The following EPHB1 variants were observed in gnomAD, a reference collection of about 807,000 sequenced individuals.
EPHB1 encodes ephrin type-B receptor 1.
A neutral mutation model predicts 94.4 loss-of-function variants in EPHB1; 30 were observed. The ratio of observed to expected loss-of-function variants is 0.32; its 90% CI spans 0.24 to 0.43. The LOEUF (loss-of-function observed/expected upper bound fraction) is 0.43, where lower values mean the gene tolerates loss of function less well. Among genes scored for constraint, EPHB1 ranks in the 20% least tolerant of loss-of-function variants. EPHB1 has a pLI of 1.00. For missense variants in EPHB1, 1,055 were observed against 1,308.3 expected (o/e 0.81, Z 2.99); for synonymous variants, 522 against 489.1 (o/e 1.07, Z -0.89).
At chr3:134,875,891 A>G (rs565714608) in intron 1 of EPHB1, among the ~76,000 whole-genome samples, 2 of 152,262 alleles carry the variant, frequency 1.3e-5, no homozygotes, top group Admixed American at 6.5e-5. Flanking sequence ...ATCCCACCTG[A>G]CATCCCGTGA....
chr3:135,126,658 C>T (rs1940221613), intron 4 of EPHB1, among the ~76,000 whole-genome samples: 1 of 152,202 alleles, frequency 6.6e-6, no homozygotes, highest in Admixed American at 6.5e-5. Flanking sequence ...AGGCAGACTC[C>T]AAGGTGTTTC....
intron 2 of EPHB1, among the ~76,000 whole-genome samples, chr3:134,939,383 G>A (rs893943888): frequency 1.3e-5 from 2 of 151,798 alleles, no homozygotes; most frequent in East Asian, 3.9e-4. Flanking sequence ...ATGGGGGGTG[G>A]GGGGGTGGCA....
intron 3 of EPHB1, among the ~76,000 whole-genome samples, chr3:135,090,753 C>T (rs189660495): frequency 1.3e-4 from 20 of 152,310 alleles, no homozygotes; most frequent in South Asian, 4.2e-4. Flanking sequence ...GGTTTCTGCC[C>T]CTTATCTGTC....
At chr3:134,899,992 C>G (rs1429847010) in intron 1 of EPHB1, among the ~76,000 whole-genome samples, 1 of 152,168 alleles carries the variant, frequency 6.6e-6, no homozygotes, top group Non-Finnish European at 1.5e-5. Context: ...CTATGGAGGT[C>G]ATTGTGTCTA....
intron 1 of EPHB1, among the ~76,000 whole-genome samples, chr3:134,918,738 T>A (rs1457686656): frequency 2.6e-5 from 4 of 152,236 alleles, no homozygotes; most frequent in Non-Finnish European, 5.9e-5. Flanking sequence ...GAATGTGCTA[T>A]CCTGCACCTC....
chr3:135,190,162 C>T (rs1205977850), intron 10 of EPHB1, among the ~76,000 whole-genome samples: 2 of 152,166 alleles, frequency 1.3e-5, no homozygotes, highest in Non-Finnish European at 2.9e-5. Flanking sequence ...GCCTCAGTTT[C>T]CTTATTATTT....
chr3:135,240,755 G>A (rs1214958413), intron 12 of EPHB1, among the ~76,000 whole-genome samples: 1 of 152,146 alleles, frequency 6.6e-6, no homozygotes, highest in Non-Finnish European at 1.5e-5. Flanking sequence ...TGACCCAAAT[G>A]TGTTAGCTTT....
chr3:135,128,273 T>A (rs912755100), intron 4 of EPHB1, among the ~76,000 whole-genome samples: 2 of 152,250 alleles, frequency 1.3e-5, no homozygotes, highest in Non-Finnish European at 2.9e-5. Flanking sequence ...CTGGAGATGT[T>A]GCTGGGGTCC....
In EPHB1 at chr3:135,030,896, C is replaced by T. The variant is rs149156426; in HGVS notation, c.806-75552C>T. On this transcript the variant is annotated intron_variant, in intron 3 of 15. Coordinates refer to ENST00000398015, the MANE Select transcript of EPHB1 (RefSeq NM_004441.5). ...GCGAGACTCCTTGGAGTAGGACCCT[C>T]GGAGCCAGGTGCGGCATGTAATCTC... is the stretch of plus-strand genomic sequence containing the variant. Among the ~76,000 whole-genome samples, 304 of 152,294 alleles carry T rather than the reference C, an allele frequency of 2.0e-3. 1 individual carries two copies. Among genetic ancestry groups the T allele is most frequent in the African/African-American group, 6.8e-3 (281 of 41,568 alleles).
At chr3:134,994,829 C>T (rs796604985) in intron 3 of EPHB1, among the ~76,000 whole-genome samples, 43 of 152,286 alleles carry the variant, frequency 2.8e-4, no homozygotes, top group African/African-American at 8.7e-4. Context: ...TGTATTCTCA[C>T]GAAGTTTTAA....
At position 135,204,708 on chromosome 3, in the gene EPHB1, A is replaced by C. The variant is rs559656533; in HGVS notation, c.2346+3019A>C. On this transcript the variant is annotated intron_variant, in intron 12 of 15. Coordinates refer to ENST00000398015, the MANE Select transcript of EPHB1 (RefSeq NM_004441.5). ...AGTAGAGAAGGGGTTTTGCCATGTT[A>C]GCCAGGCTGGTCTCGAACTCCTGGC... Among the ~76,000 whole-genome samples, 322 of 144,986 alleles carry C rather than the reference A, an allele frequency of 2.2e-3. 2 individuals carry two copies. Among genetic ancestry groups the C allele is most frequent in the African/African-American group, 7.9e-3 (306 of 38,882 alleles).
chr3:134,902,293 A>G (rs1270131414), intron 1 of EPHB1, among the ~76,000 whole-genome samples: 2 of 152,076 alleles, frequency 1.3e-5, no homozygotes, highest in African/African-American at 4.8e-5. Context: ...AGAAAAGTGG[A>G]TGAGAGAGGG....
At chr3:135,253,874 C>T (rs1458650247) in intron 15 of EPHB1, among the ~76,000 whole-genome samples, 1 of 152,008 alleles carries the variant, frequency 6.6e-6, no homozygotes, top group African/African-American at 2.4e-5. Flanking sequence ...TTGTTTGTAT[C>T]CTTTTTTATT....
chr3:135,127,125 T>C (rs1940237842), intron 4 of EPHB1, among the ~76,000 whole-genome samples: 2 of 152,252 alleles, frequency 1.3e-5, no homozygotes, highest in South Asian at 4.1e-4. Flanking sequence ...GTTCACTTTC[T>C]CAAGGTCAAC....
At chr3:134,830,776 C>G (rs534829386) in intron 1 of EPHB1, among the ~76,000 whole-genome samples, 1 of 152,192 alleles carries the variant, frequency 6.6e-6, no homozygotes, top group East Asian at 1.9e-4. Flanking sequence ...GCAGATGCAA[C>G]CTTGCCCTCC....
At chr3:135,201,805 C>G (rs1942764673) in intron 12 of EPHB1, 116 bp downstream of exon 12, 2 of 993,286 alleles carry the variant, frequency 2.0e-6, no homozygotes, top group Non-Finnish European at 3.0e-6. Flanking sequence ...ACTGAGCTCT[C>G]CACTGAAAGA....
rs1273403441 is a variant in EPHB1, at chr3:134,795,580, T to G, written c.-52T>G. The stretch of plus-strand genomic sequence containing the variant: ...AGCGGCGCCCTGGGACGCGGCGCTC[T>G]CCCGGCGCTGCTGCCTCGGCTTGGT... On this transcript the variant is annotated 5_prime_UTR_variant, in exon 1 of 16. Transcript: ENST00000398015. 1 of 1,576,574 alleles carries G rather than the reference T, an allele frequency of 6.3e-7. No individual in the cohort carries two copies. The highest frequency in any genetic ancestry group is 2.4e-5 in the East Asian group (1 of 41,804).
intron 3 of EPHB1, among the ~76,000 whole-genome samples, chr3:135,004,519 T>G (rs956508709): frequency 1.6e-4 from 24 of 152,318 alleles, no homozygotes; most frequent in Admixed American, 5.2e-4. Flanking sequence ...TTGCTAGATT[T>G]GGGAAGTTCT....
At chr3:134,894,031 CTT>C (rs2038039025) in intron 1 of EPHB1, among the ~76,000 whole-genome samples, 1 of 152,240 alleles carries the variant, frequency 6.6e-6, no homozygotes, top group African/African-American at 2.4e-5. Flanking sequence ...TTCCACACCT[CTT>C]TTATTCCAAT....
Sources: allele counts gnomAD v4.1 joint callset (sites outside exome capture counted in the v4.1 genomes callset), GRCh38; gene constraint gnomAD v4.1.1; transcripts MANE v1.5; gene names NCBI Gene and HGNC (gene_info 2026-07-23, HGNC 2026-07-21).